RNLS: variants seen among roughly 807,000 people sequenced by gnomAD.
RNLS encodes the protein renalase.
RNLS carries 39 observed loss-of-function variants against 39.8 expected under a neutral mutation model. The ratio of observed to expected loss-of-function variants is 0.98; its 90% CI spans 0.76 to 1.28. The LOEUF (loss-of-function observed/expected upper bound fraction) is 1.28. RNLS is among the 50% of genes most tolerant of loss of function. The probability of loss-of-function intolerance (pLI) is 0.00; values close to 1 mark genes in which losing one functional copy is unlikely to be tolerated. For missense variants in RNLS, 410 were observed against 413.3 expected (o/e 0.99, Z 0.07); for synonymous variants, 147 against 150.7 (o/e 0.98, Z 0.18).
chr10:88,272,748 C>T (rs776089266), downstream of RNLS, among the ~76,000 whole-genome samples: 132 of 152,196 alleles, frequency 8.7e-4, no homozygotes, highest in African/African-American at 1.6e-3. Flanking sequence ...CTGTTGTCTT[C>T]GTTTTTTTAA....
At chr10:88,179,721 C>T in the RNLS span, among the ~76,000 whole-genome samples, 69,254 of 152,100 alleles carry the variant, frequency 0.46, 16,276 homozygotes, top group South Asian at 0.61. Flanking sequence ...AGAGCCCATA[C>T]TTTTTAACCA....
At position 88,345,862 on chromosome 10, in the gene RNLS, A is replaced by ATAGCATATC. The variant is rs1378979907; in HGVS notation, c.700+16689_700+16690insGATATGCTA. Among the ~76,000 whole-genome samples the ATAGCATATC allele has an allele frequency of 1.7e-3, 252 of 152,280 alleles. 1 individual carries two copies. Among genetic ancestry groups the ATAGCATATC allele is most frequent in the African/African-American group, 5.9e-3 (247 of 41,574 alleles). ...TAAAGACAGCAATATCATATGCTTC[A>ATAGCATATC]ACCTAATTCTAAGTGCTGAGTTACA... On this transcript the variant is annotated intron_variant, in intron 5 of 6. Coordinates refer to ENST00000331772, the MANE Select transcript of RNLS (RefSeq NM_001031709.3).
At chr10:88,270,802 G>A (rs1251992196), downstream of RNLS, among the ~76,000 whole-genome samples, 1 of 152,154 alleles carries the variant, frequency 6.6e-6, no homozygotes, top group Non-Finnish European at 1.5e-5. Context: ...CAACTTCCAA[G>A]TAAATGGAAA....
At chr10:88,450,241 T>A (rs1036436048) in intron 4 of RNLS, among the ~76,000 whole-genome samples, 22 of 152,314 alleles carry the variant, frequency 1.4e-4, no homozygotes, top group African/African-American at 5.1e-4. Context: ...ATGGGCTGCC[T>A]GCTCTCTGTC....
At chr10:88,359,905 A>G (rs890779094) in intron 5 of RNLS, among the ~76,000 whole-genome samples, 2 of 152,198 alleles carry the variant, frequency 1.3e-5, no homozygotes, top group Non-Finnish European at 2.9e-5. Flanking sequence ...TGTGCCTTTC[A>G]TAGTAGAAAA....
intron 6 of RNLS, among the ~76,000 whole-genome samples, chr10:88,304,231 C>T (rs184196391): frequency 4.6e-4 from 70 of 152,268 alleles, no homozygotes; most frequent in African/African-American, 1.7e-3. Context: ...GATAGATAAG[C>T]TCACAAAGAT....
At chr10:88,546,539 A>G (rs1191404944) in intron 4 of RNLS, among the ~76,000 whole-genome samples, 1 of 152,176 alleles carries the variant, frequency 6.6e-6, no homozygotes, top group Non-Finnish European at 1.5e-5. Flanking sequence ...TATTGCTAAT[A>G]GACATTTTGA....
At chr10:88,329,997 C>A (rs957332195) in intron 5 of RNLS, among the ~76,000 whole-genome samples, 2 of 149,738 alleles carry the variant, frequency 1.3e-5, no homozygotes, top group Non-Finnish European at 3.0e-5. Flanking sequence ...ATAAGGTTGG[C>A]TCTGGCTTTT....
At chr10:88,535,373 GT>G (rs1413526595) in intron 4 of RNLS, among the ~76,000 whole-genome samples, 4 of 151,810 alleles carry the variant, frequency 2.6e-5, no homozygotes, top group Non-Finnish European at 5.9e-5. Flanking sequence ...AGTTGTATAG[GT>G]TGGAAACGGG....
At chr10:88,400,331 G>A (rs1852836632) in intron 4 of RNLS, among the ~76,000 whole-genome samples, 1 of 151,866 alleles carries the variant, frequency 6.6e-6, no homozygotes, top group Non-Finnish European at 1.5e-5. Flanking sequence ...ATCTCCCTTT[G>A]TAGCTTCATT....
At chr10:88,275,919 G>C (rs1196857619) in intron 6 of RNLS, among the ~76,000 whole-genome samples, 1 of 151,792 alleles carries the variant, frequency 6.6e-6, no homozygotes, top group East Asian at 1.9e-4. Flanking sequence ...CCTAATGTAG[G>C]GGTGTGTGCC....
In RNLS at chr10:88,451,880, G is replaced by C. The variant is rs191582864; in HGVS notation, c.527-89155C>G. Among the ~76,000 whole-genome samples the C allele has an allele frequency of 2.2e-3, 330 of 152,298 alleles. 3 individuals carry two copies. Among genetic ancestry groups the C allele is most frequent in the African/African-American group, 7.5e-3 (310 of 41,568 alleles). On this transcript the variant is annotated intron_variant, in intron 4 of 6. Coordinates refer to ENST00000331772, the MANE Select transcript of RNLS (RefSeq NM_001031709.3). ...TTCTCTGATGCTAGGTTGACACCATGGCAACTAGTACAGTAGAAAGAACTT... is the reference window on the plus strand; with the variant it reads ...TTCTCTGATGCTAGGTTGACACCATCGCAACTAGTACAGTAGAAAGAACTT...
chr10:88,248,286 T>A, the RNLS span, among the ~76,000 whole-genome samples: 4 of 152,188 alleles, frequency 2.6e-5, no homozygotes, highest in East Asian at 5.8e-4. Context: ...AAATAAATGT[T>A]ATACATAGTG....
intron 4 of RNLS, among the ~76,000 whole-genome samples, chr10:88,432,104 AT>A (rs1034361683): frequency 2.6e-5 from 4 of 151,220 alleles, no homozygotes; most frequent in African/African-American, 4.9e-5. Flanking sequence ...TGGCTTTATC[AT>A]TTTTTTTCCT....
the RNLS span, among the ~76,000 whole-genome samples, chr10:88,235,794 G>T: frequency 6.6e-6 from 1 of 151,888 alleles, no homozygotes; most frequent in Non-Finnish European, 1.5e-5. Flanking sequence ...TAGACAGAGA[G>T]AGATAGAGAG....
At chr10:88,400,381 A>G (rs11202739) in intron 4 of RNLS, among the ~76,000 whole-genome samples, 1 of 151,980 alleles carries the variant, frequency 6.6e-6, no homozygotes, top group Non-Finnish European at 1.5e-5. Flanking sequence ...CACATTGAAC[A>G]TAATGCAATC....
the RNLS span, among the ~76,000 whole-genome samples, chr10:88,236,715 G>A: frequency 3.9e-5 from 6 of 152,138 alleles, no homozygotes; most frequent in African/African-American, 1.4e-4. Context: ...GGTATTGAAC[G>A]CTTACCATGT....
At chr10:88,573,102 C>CAT in intron 3 of RNLS, 41 bp from the exon 4 acceptor site, 1 of 1,595,230 alleles carries the variant, frequency 6.3e-7, no homozygotes, top group Non-Finnish European at 8.6e-7. Flanking sequence ...ATCAGAATTG[C>CAT]ATATATGAAT....
intron 4 of RNLS, among the ~76,000 whole-genome samples, chr10:88,419,682 T>C (rs1854266575): frequency 6.6e-6 from 1 of 152,166 alleles, no homozygotes; most frequent in Non-Finnish European, 1.5e-5. Context: ...TTCCTCATGA[T>C]TCCTTTCTGC....
Sources: allele counts gnomAD v4.1 joint callset (sites outside exome capture counted in the v4.1 genomes callset), GRCh38; gene constraint gnomAD v4.1.1; transcripts MANE v1.5; gene names NCBI Gene and HGNC (gene_info 2026-07-23, HGNC 2026-07-21).